The following MACROD2 variants were observed in gnomAD, a reference collection of about 807,000 sequenced individuals.
MACROD2 encodes the protein ADP-ribose glycohydrolase MACROD2.
In MACROD2, 36 loss-of-function variants were observed where a neutral mutation model predicts 70.4. That is an observed-to-expected ratio of 0.51 (90% CI 0.39 to 0.68). The LOEUF (loss-of-function observed/expected upper bound fraction) is 0.68, where lower values mean the gene tolerates loss of function less well. Among genes scored for constraint, MACROD2 ranks in the 30% least tolerant of loss-of-function variants. MACROD2 has a pLI of 0.00. For missense variants in MACROD2, 496 were observed against 538.4 expected (o/e 0.92, Z 0.78); for synonymous variants, 172 against 178.8 (o/e 0.96, Z 0.30).
intron 4 of MACROD2, among the ~76,000 whole-genome samples, chr20:14,549,393 A>G (rs1978504566): frequency 1.3e-5 from 2 of 152,202 alleles, no homozygotes; most frequent in South Asian, 2.1e-4. Flanking sequence ...TTTCTTTTAA[A>G]TTAAAATTAT....
chr20:15,500,945 C>A (rs915526834), intron 8 of MACROD2, among the ~76,000 whole-genome samples: 2 of 152,104 alleles, frequency 1.3e-5, no homozygotes, highest in African/African-American at 4.8e-5. Flanking sequence ...CTAAAATAGC[C>A]AGCTTACAAA....
At chr20:15,224,418 TACTC>T (rs1364372893) in intron 5 of MACROD2, among the ~76,000 whole-genome samples, 1 of 152,238 alleles carries the variant, frequency 6.6e-6, no homozygotes, top group African/African-American at 2.4e-5. Flanking sequence ...GAGAGGAACT[TACTC>T]ATAATCATAT....
At chr20:15,198,898 G>A (rs556247092) in intron 5 of MACROD2, among the ~76,000 whole-genome samples, 30 of 151,970 alleles carry the variant, frequency 2.0e-4, no homozygotes, top group Non-Finnish European at 4.3e-4. Context: ...GACTGGGTTC[G>A]AGTTTCATAG....
At chr20:14,096,859 A>G (rs867369845) in intron 3 of MACROD2, among the ~76,000 whole-genome samples, 17 of 152,288 alleles carry the variant, frequency 1.1e-4, no homozygotes, top group South Asian at 6.2e-4. Flanking sequence ...CTTGACATTT[A>G]CACACAAACT....
In MACROD2 at chr20:14,434,027, A is replaced by T. The variant is rs561633900; in HGVS notation, c.272-59452A>T. On this transcript the variant is annotated intron_variant, in intron 3 of 17. Transcript: ENST00000684519. ...TTATATGCAATTTATGGATTTTCTA[A>T]ATATTTAAAGTGTCATGAATGGCTG... Among the ~76,000 whole-genome samples the T allele has an allele frequency of 1.3e-5, 2 of 152,124 alleles. 1 individual carries two copies. Among genetic ancestry groups the T allele is most frequent in the East Asian group, 3.8e-4 (2 of 5,196 alleles).
intron 8 of MACROD2, among the ~76,000 whole-genome samples, chr20:15,712,477 G>C (rs1480156986): frequency 6.6e-6 from 1 of 152,124 alleles, no homozygotes; most frequent in Non-Finnish European, 1.5e-5. Context: ...TTACTGATCA[G>C]ATTACACATC....
rs535228846 is a variant in MACROD2 at position 15,116,441 on chromosome 20, G to A, written c.419-113499G>A. ...GTGGATCACTTGAGGTTGGGAGTTC[G>A]ACACCAGCCTGATCAACATAGAGAA... is the stretch of plus-strand genomic sequence containing the variant. On this transcript the variant is annotated intron_variant, in intron 5 of 17. Coordinates refer to ENST00000684519, the MANE Select transcript of MACROD2 (RefSeq NM_001351661.2). 2.0e-4 allele frequency among the ~76,000 whole-genome samples: 31 copies of A among 152,214 alleles called. No homozygotes were observed. The South Asian group carries it at 6.0e-3, about 30-fold the overall frequency.
chr20:15,058,110 G>T (rs548705647), intron 5 of MACROD2, among the ~76,000 whole-genome samples: 1 of 152,252 alleles, frequency 6.6e-6, no homozygotes, highest in Admixed American at 6.5e-5. Context: ...GCTGCTCGAC[G>T]TAGGGGAAGG....
chr20:14,676,434 A>G (rs999938520), intron 4 of MACROD2, among the ~76,000 whole-genome samples: 1 of 152,216 alleles, frequency 6.6e-6, no homozygotes, highest in African/African-American at 2.4e-5. Flanking sequence ...GCACAACTAC[A>G]TGGAAACTGA....
chr20:15,171,016 A>G (rs2076418550), intron 5 of MACROD2, among the ~76,000 whole-genome samples: 1 of 152,156 alleles, frequency 6.6e-6, no homozygotes, highest in African/African-American at 2.4e-5. Context: ...GGAAAATTTC[A>G]GAGACCCTAA....
intron 8 of MACROD2, among the ~76,000 whole-genome samples, chr20:15,585,144 C>G (rs2048579813): frequency 6.6e-6 from 1 of 152,014 alleles, no homozygotes; most frequent in South Asian, 2.1e-4. Flanking sequence ...TGTGCTCCAT[C>G]TGACTTCCAG....
chr20:15,002,349 G>A (rs1364438318), intron 5 of MACROD2, among the ~76,000 whole-genome samples: 4 of 151,912 alleles, frequency 2.6e-5, no homozygotes, highest in Admixed American at 2.6e-4. Flanking sequence ...GCTTTGATTT[G>A]CATTTCCCTG....
At chr20:14,670,860 C>A (rs1455575358) in intron 4 of MACROD2, among the ~76,000 whole-genome samples, 1 of 152,092 alleles carries the variant, frequency 6.6e-6, no homozygotes, top group Non-Finnish European at 1.5e-5. Context: ...GACTAGATGG[C>A]TGCTGAAGTC....
chr20:15,894,856 C>T (rs890085158), intron 10 of MACROD2, among the ~76,000 whole-genome samples: 1 of 152,156 alleles, frequency 6.6e-6, no homozygotes, highest in African/African-American at 2.4e-5. Flanking sequence ...ATAATTCACC[C>T]AAGATGTTAA....
Position 14,555,485 on chromosome 20 carries a change from T to G in MACROD2, c.301+61977T>G, listed in dbSNP as rs1320205240. Among the ~76,000 whole-genome samples, 3 of 152,038 alleles carry G rather than the reference T, an allele frequency of 2.0e-5. No homozygotes were observed. The East Asian group carries it at 5.8e-4, about 30-fold the overall frequency. ...TGAGCCAGGTACTGGCTCTGAGAGG[T>G]ACATACTTTCATTTAATTCTTCAAG... is the stretch of plus-strand genomic sequence containing the variant. On this transcript the variant is annotated intron_variant, in intron 4 of 17. Transcript: ENST00000684519.
In MACROD2 at chr20:14,003,305, G is replaced by A. The variant is rs140366117; in HGVS notation, c.163+901G>A. Among the ~76,000 whole-genome samples the A allele has an allele frequency of 9.8e-5, 15 of 152,322 alleles. No individual in the cohort carries two copies. In the East Asian group the frequency reaches 2.9e-3, roughly 29 times the overall value. On this transcript the variant is annotated intron_variant, in intron 2 of 17. Coordinates refer to ENST00000684519, the MANE Select transcript of MACROD2 (RefSeq NM_001351661.2). ...CTGTGAAGAGAACACATTGACCTGA[G>A]GATTTGGGTTTTAGACACAACTTTG...
Position 15,631,714 on chromosome 20 carries a change from A to G in MACROD2, c.645+131867A>G, listed in dbSNP as rs462116. On this transcript the variant is annotated intron_variant, in intron 8 of 17. Transcript: ENST00000684519. ...ACCAAGAGTGGCTGGAAAAGGCTGT[A>G]GAGCACTGGTTTCCAGATTTTGTTG... Among the ~76,000 whole-genome samples, 1,466 of 152,346 alleles carry G rather than the reference A, an allele frequency of 9.6e-3. 15 individuals are homozygous for G. Among genetic ancestry groups the G allele is most frequent in the Middle Eastern group, 0.027 (8 of 294 alleles).
intron 4 of MACROD2, among the ~76,000 whole-genome samples, chr20:14,593,648 T>G (rs1981926867): frequency 6.6e-6 from 1 of 152,188 alleles, no homozygotes; most frequent in Non-Finnish European, 1.5e-5. Flanking sequence ...TTTACCAATT[T>G]TATGCATTAT....
chr20:14,886,560 A>T (rs2073678380), intron 5 of MACROD2, among the ~76,000 whole-genome samples: 1 of 152,144 alleles, frequency 6.6e-6, no homozygotes, highest in African/African-American at 2.4e-5. Context: ...TTAGCTTTTT[A>T]CCTGTGCTAT....
Sources: gnomAD v4.1 joint callset for allele counts (sites outside exome capture counted in the v4.1 genomes callset) on GRCh38, gnomAD v4.1.1 for gene constraint, MANE v1.5 for transcripts, NCBI Gene and HGNC (gene_info 2026-07-23, HGNC 2026-07-21) for gene names.